EIF4E3: variants seen among roughly 807,000 people sequenced by gnomAD.
EIF4E3 encodes the protein eukaryotic translation initiation factor 4E family member 3.
In EIF4E3, 26 loss-of-function variants were observed where a neutral mutation model predicts 31.7. The observed-to-expected ratio is 0.82, with a 90% CI of 0.60 to 1.14. The LOEUF (loss-of-function observed/expected upper bound fraction) is 1.14, where lower values mean the gene tolerates loss of function less well. Ranked by LOEUF, EIF4E3 falls within the 50% of genes most tolerant of loss-of-function variation. The pLI, the probability that EIF4E3 is intolerant of heterozygous loss-of-function variation, is 0.00. For missense variants in EIF4E3, 304 were observed against 270.9 expected (o/e 1.12, Z -0.86); for synonymous variants, 128 against 107.7 (o/e 1.19, Z -1.17).
intron 1 of EIF4E3, among the ~76,000 whole-genome samples, chr3:71,750,170 CTCCCCATTT>C (rs1305040289): frequency 1.3e-5 from 2 of 152,160 alleles, no homozygotes; most frequent in African/African-American, 4.8e-5. Flanking sequence ...AAATAAATCT[CTCCCCATTT>C]GGGAGACATA....
intron 1 of EIF4E3, among the ~76,000 whole-genome samples, chr3:71,714,681 C>A (rs1270985229): frequency 6.6e-6 from 1 of 152,194 alleles, no homozygotes; most frequent in East Asian, 1.9e-4. Flanking sequence ...TTCAAAAGAG[C>A]AAATAACCTG....
At chr3:71,745,504 A>T (rs2049862613) in intron 1 of EIF4E3, among the ~76,000 whole-genome samples, 1 of 152,212 alleles carries the variant, frequency 6.6e-6, no homozygotes, top group Admixed American at 6.5e-5. Context: ...TATAAAGTAT[A>T]TTCACTGTAA....
At chr3:71,672,579 T>C (rs2048852948), downstream of EIF4E3, among the ~76,000 whole-genome samples, 2 of 152,120 alleles carry the variant, frequency 1.3e-5, no homozygotes, top group South Asian at 4.1e-4. Flanking sequence ...GGAGTTGTAG[T>C]TCTTTTGTAT....
At position 71,675,929 on chromosome 3, in the gene EIF4E3, T is replaced by G. The variant is rs1046545585; in HGVS notation, c.*8753A>C. On this transcript the variant is annotated 3_prime_UTR_variant, in exon 7 of 7. Coordinates refer to ENST00000425534, the MANE Select transcript of EIF4E3 (RefSeq NM_001134651.2). ...GACCTTCGGCAAGTTATTTCACCTC[T>G]CTGAACCTCATGCATATGTTTCCAC... 1.3e-5 allele frequency: 2 copies of G among 152,216 alleles called. No individual in the cohort carries two copies. The highest frequency in any genetic ancestry group is 4.8e-5 in the African/African-American group (2 of 41,442). 9.4% of individuals were successfully genotyped at this position (152,216 alleles called of 1,614,324 possible). A position where few individuals can be genotyped will look rare whatever the true frequency, so the allele number is the denominator to read the frequency against.
intron 6 of EIF4E3, among the ~76,000 whole-genome samples, chr3:71,687,145 C>T (rs966287603): frequency 6.6e-6 from 1 of 152,172 alleles, no homozygotes; most frequent in African/African-American, 2.4e-5. Context: ...GGATTATAGG[C>T]ACCTGCCACC....
chr3:71,717,160 AC>A (rs2049477777), intron 1 of EIF4E3, among the ~76,000 whole-genome samples: 1 of 152,204 alleles, frequency 6.6e-6, no homozygotes, highest in South Asian at 2.1e-4. Context: ...TCAAAGTGCA[AC>A]CAGGCAATGG....
At chr3:71,663,147 C>T in the EIF4E3 span, among the ~76,000 whole-genome samples, 2 of 152,138 alleles carry the variant, frequency 1.3e-5, no homozygotes, top group African/African-American at 4.8e-5. Context: ...CAGGTGGCCT[C>T]CTGCTCCTGC....
the EIF4E3 span, among the ~76,000 whole-genome samples, chr3:71,660,065 C>G: frequency 6.6e-6 from 1 of 152,186 alleles, no homozygotes; most frequent in Non-Finnish European, 1.5e-5. Flanking sequence ...AATGCCCAGG[C>G]AGTCAGTATG....
chr3:71,735,588 C>G (rs59669399), intron 1 of EIF4E3, among the ~76,000 whole-genome samples: 26,671 of 152,098 alleles, frequency 0.18, 2,397 homozygotes, highest in East Asian at 0.31. Flanking sequence ...AACAAAGAAA[C>G]GCAATACTGT....
At chr3:71,754,533 G>T, upstream of EIF4E3, 1 of 1,343,118 alleles carries the variant, frequency 7.4e-7, no homozygotes, top group Non-Finnish European at 9.6e-7. This position sits in a 1 kb window ranked among gnomAD's most constrained non-coding sequence, Gnocchi z 5.8. Context: ...AGTGCTGGAC[G>T]GCGGTGGCGA....
chr3:71,705,794 T>C (rs1245606026), intron 2 of EIF4E3, among the ~76,000 whole-genome samples: 1 of 152,218 alleles, frequency 6.6e-6, no homozygotes, highest in African/African-American at 2.4e-5. Context: ...AGCCGTGTTC[T>C]ATTTTTTTTT....
intron 4 of EIF4E3, among the ~76,000 whole-genome samples, chr3:71,695,528 C>A (rs77598339): frequency 6.6e-6 from 1 of 152,142 alleles, no homozygotes; most frequent in Non-Finnish European, 1.5e-5. Flanking sequence ...ACCTTATATT[C>A]CCTCATTCTC....
chr3:71,723,875 C>A (rs1209189565), intron 1 of EIF4E3, among the ~76,000 whole-genome samples: 1 of 152,128 alleles, frequency 6.6e-6, no homozygotes, highest in Admixed American at 6.5e-5. Context: ...CCATCTCCCC[C>A]ACCCCCAACT....
At chr3:71,743,222 G>A (rs988313948) in intron 1 of EIF4E3, among the ~76,000 whole-genome samples, 6 of 152,236 alleles carry the variant, frequency 3.9e-5, no homozygotes, top group African/African-American at 1.2e-4. Flanking sequence ...CAGACAAGAC[G>A]CATGTCTATG....
intron 2 of EIF4E3, among the ~76,000 whole-genome samples, chr3:71,709,218 A>ATC (rs2049339125): frequency 6.6e-6 from 1 of 152,174 alleles, no homozygotes; most frequent in African/African-American, 2.4e-5. Context: ...GCTATTTAAA[A>ATC]TCTCTCCCTT....
chr3:71,744,604 G>C (rs1448289110), intron 1 of EIF4E3, among the ~76,000 whole-genome samples: 1 of 152,154 alleles, frequency 6.6e-6, no homozygotes, highest in East Asian at 1.9e-4. Context: ...AATTAGCTGG[G>C]CATGGTGGCA....
chr3:71,686,334 G>C (rs375747806), intron 6 of EIF4E3, among the ~76,000 whole-genome samples: 1 of 152,152 alleles, frequency 6.6e-6, no homozygotes, highest in South Asian at 2.1e-4. Flanking sequence ...TATTGCTGAG[G>C]GGGTGGATGG....
At chr3:71,693,015 G>A (rs1313463430) in intron 5 of EIF4E3, among the ~76,000 whole-genome samples, 1 of 152,178 alleles carries the variant, frequency 6.6e-6, no homozygotes, top group Non-Finnish European at 1.5e-5. Flanking sequence ...GGCCTACAGG[G>A]CTCTCAAACA....
chr3:71,660,998 G>A, the EIF4E3 span, among the ~76,000 whole-genome samples: 305 of 152,172 alleles, frequency 2.0e-3, 2 homozygotes, highest in African/African-American at 7.1e-3. Flanking sequence ...CAGCAGAATC[G>A]TGGGGCACTG....
Sources: gnomAD v4.1 joint callset for allele counts (sites outside exome capture counted in the v4.1 genomes callset) on GRCh38, gnomAD v4.1.1 for gene constraint, Gnocchi (gnomAD v3.1) non-coding constraint, MANE v1.5 for transcripts, NCBI Gene and HGNC (gene_info 2026-07-23, HGNC 2026-07-21) for gene names.